Variants in KCNK10 observed in about 807,000 individuals in gnomAD.
KCNK10 encodes the protein potassium channel subfamily K member 10.
In KCNK10, 25 loss-of-function variants were observed where a neutral mutation model predicts 47.7. The observed-to-expected ratio is 0.52, with a 90% CI of 0.38 to 0.73. KCNK10 has a LOEUF of 0.73. KCNK10 is among the 30% of genes least tolerant of loss of function. The pLI is 0.00. For missense variants in KCNK10, 563 were observed against 714.5 expected, an observed-to-expected ratio of 0.79 and a Z score of 2.42; for synonymous variants, 303 against 285.6, an observed-to-expected ratio of 1.06 and a Z score of -0.61.
intron 3 of KCNK10, among the ~76,000 whole-genome samples, chr14:88,239,004 C>T (rs1886374957): frequency 6.6e-6 from 1 of 152,164 alleles, no homozygotes; most frequent in Non-Finnish European, 1.5e-5. Flanking sequence ...TGGTTGGTGG[C>T]ACCCCAAAAC....
chr14:88,211,070 A>G (rs751968697), intron 4 of KCNK10, among the ~76,000 whole-genome samples: 1 of 152,230 alleles, frequency 6.6e-6, no homozygotes, highest in Non-Finnish European at 1.5e-5. Flanking sequence ...TCATAGCAGC[A>G]TTATTCATAA....
intron 4 of KCNK10, among the ~76,000 whole-genome samples, chr14:88,217,205 G>A (rs1885648954): frequency 6.6e-6 from 1 of 152,128 alleles, no homozygotes; most frequent in African/African-American, 2.4e-5. Context: ...TAATCCTACT[G>A]AGTTAGTTGT....
In KCNK10 at chr14:88,322,931, G is replaced by C; in HGVS notation, c.-133C>G. 1 of 1,521,198 alleles carries C rather than the reference G, an allele frequency of 6.6e-7. No homozygotes were observed. The highest frequency in any genetic ancestry group is 8.8e-7 in the Non-Finnish European group (1 of 1,136,932). 94.2% of individuals were successfully genotyped at this position (1,521,198 alleles called of 1,614,324 possible). On this transcript the variant is annotated 5_prime_UTR_variant, in exon 1 of 7. Transcript: ENST00000319231. This position sits in a 1 kb window ranked among gnomAD's most constrained non-coding sequence, Gnocchi z 4.8. ...TGGGGGAGCCTTGGACTGGCTCGTG[G>C]AGGAACCCCAGAAAAAGACAGGTGG...
intron 1 of KCNK10, among the ~76,000 whole-genome samples, chr14:88,316,962 A>C (rs1403719435): frequency 1.3e-5 from 2 of 152,220 alleles, no homozygotes; most frequent in East Asian, 3.8e-4. Context: ...ATATGGAGCC[A>C]AAGTACAGAT....
chr14:88,279,246 G>C (rs756390612), intron 1 of KCNK10, among the ~76,000 whole-genome samples: 1 of 152,092 alleles, frequency 6.6e-6, no homozygotes, highest in African/African-American at 2.4e-5. Flanking sequence ...ACCATCACCA[G>C]ACATAATTTC....
chr14:88,225,443 T>C (rs984746345), intron 4 of KCNK10, among the ~76,000 whole-genome samples: 1 of 152,210 alleles, frequency 6.6e-6, no homozygotes, highest in African/African-American at 2.4e-5. Flanking sequence ...TCAGAATCTG[T>C]TGATGGTCCA....
At chr14:88,236,553 T>G (rs1367546052) in intron 3 of KCNK10, among the ~76,000 whole-genome samples, 1 of 152,166 alleles carries the variant, frequency 6.6e-6, no homozygotes, top group Non-Finnish European at 1.5e-5. Context: ...ACTATAGAGC[T>G]ACGACTAAAA....
chr14:88,220,140 G>A (rs1020828788), intron 4 of KCNK10, among the ~76,000 whole-genome samples: 11 of 152,134 alleles, frequency 7.2e-5, no homozygotes, highest in African/African-American at 2.4e-4. Flanking sequence ...GAGCGTGGCC[G>A]GGCGCGGTGG....
At chr14:88,284,246 T>G (rs1342665054) in intron 1 of KCNK10, among the ~76,000 whole-genome samples, 1 of 152,066 alleles carries the variant, frequency 6.6e-6, no homozygotes, top group Admixed American at 6.5e-5. Context: ...GTGCCGGCTT[T>G]GCACTAACTA....
chr14:88,190,052 T>C (rs1884696960), intron 5 of KCNK10, among the ~76,000 whole-genome samples: 1 of 152,132 alleles, frequency 6.6e-6, no homozygotes, highest in Non-Finnish European at 1.5e-5. Context: ...ACTGTGTAGG[T>C]TGTGCCCTTA....
intron 4 of KCNK10, among the ~76,000 whole-genome samples, chr14:88,217,312 T>C (rs1343462029): frequency 2.0e-5 from 3 of 152,178 alleles, no homozygotes; most frequent in African/African-American, 7.2e-5. Flanking sequence ...TTCACTGATA[T>C]TGTGTCTTTT....
intron 3 of KCNK10, among the ~76,000 whole-genome samples, chr14:88,239,485 T>A (rs1215599167): frequency 6.6e-6 from 1 of 152,140 alleles, no homozygotes; most frequent in Non-Finnish European, 1.5e-5. Flanking sequence ...AAAAGAGATA[T>A]CATCACCCGT....
chr14:88,240,922 G>A (rs562532342), intron 2 of KCNK10, 102 bp from the exon 3 acceptor site: 101 of 682,362 alleles, frequency 1.5e-4, no homozygotes, highest in South Asian at 4.2e-4. Flanking sequence ...CCCTACTCAA[G>A]AACCTGCAGT....
At chr14:88,191,400 G>C (rs1458946300) in intron 5 of KCNK10, among the ~76,000 whole-genome samples, 2 of 150,740 alleles carry the variant, frequency 1.3e-5, no homozygotes, top group Non-Finnish European at 2.9e-5. Context: ...ACAGATGATA[G>C]AGTTGTTTGA....
intron 4 of KCNK10, among the ~76,000 whole-genome samples, chr14:88,209,594 T>C (rs1339863864): frequency 1.3e-5 from 2 of 152,230 alleles, no homozygotes; most frequent in African/African-American, 4.8e-5. Context: ...AAGGCCATGC[T>C]TGATGGCTGA....
intron 1 of KCNK10, among the ~76,000 whole-genome samples, chr14:88,313,115 G>A (rs536287715): frequency 6.6e-6 from 1 of 152,166 alleles, no homozygotes; most frequent in African/African-American, 2.4e-5. Context: ...AGGTAACTTT[G>A]GGCAAGTTAC....
At chr14:88,200,826 G>T (rs531785863) in intron 4 of KCNK10, among the ~76,000 whole-genome samples, 1 of 152,172 alleles carries the variant, frequency 6.6e-6, no homozygotes, top group African/African-American at 2.4e-5. Context: ...GTTGAGACAA[G>T]CATTAAACAG....
chr14:88,286,793 C>T (rs1165356192), intron 1 of KCNK10, among the ~76,000 whole-genome samples: 1 of 152,052 alleles, frequency 6.6e-6, no homozygotes, highest in Non-Finnish European at 1.5e-5. Flanking sequence ...TATGGGGGAA[C>T]CGCCCCCATG....
intron 5 of KCNK10, among the ~76,000 whole-genome samples, chr14:88,191,110 C>T (rs558490807): frequency 7.8e-4 from 119 of 152,130 alleles, no homozygotes; most frequent in African/African-American, 2.8e-3. Context: ...AATAGCCAGG[C>T]ATGGTGGCAC....
Sources: gnomAD v4.1 joint callset for allele counts (sites outside exome capture counted in the v4.1 genomes callset) on GRCh38, gnomAD v4.1.1 for gene constraint, Gnocchi (gnomAD v3.1) non-coding constraint, MANE v1.5 for transcripts, NCBI Gene and HGNC (gene_info 2026-07-23, HGNC 2026-07-21) for gene names.